Variants in PNPLA8 observed in about 807,000 individuals in gnomAD.
PNPLA8 encodes patatin like domain 8, phospholipase A2, also known as calcium-independent phospholipase A2-gamma.
A neutral mutation model predicts 76.9 loss-of-function variants in PNPLA8; 39 were observed. The ratio of observed to expected loss-of-function variants is 0.51; its 90% CI spans 0.39 to 0.66. The LOEUF is 0.66. PNPLA8 is among the 30% of genes least tolerant of loss of function. PNPLA8 has a pLI of 0.00. For synonymous variants in PNPLA8, 301 were observed against 307.9 expected (o/e 0.98, Z 0.24); for missense variants, 887 against 918.0 (o/e 0.97, Z 0.44).
intron 10 of PNPLA8, among the ~76,000 whole-genome samples, chr7:108,478,316 C>T (rs761873537): frequency 1.3e-5 from 2 of 151,982 alleles, no homozygotes; most frequent in Non-Finnish European, 2.9e-5. Context: ...AAGAATTATC[C>T]GGTGGTTGGA....
rs1253190045 is a variant in PNPLA8, at chr7:108,479,446, T to C, written c.1879-67A>G. The C allele has an allele frequency of 5.7e-6, 6 of 1,050,440 alleles. No homozygotes were observed. The East Asian group carries it at 1.5e-4, about 27-fold the overall frequency. 65.1% of individuals were successfully genotyped at this position (1,050,440 alleles called of 1,614,324 possible). A position where few individuals can be genotyped will look rare whatever the true frequency, so the allele number is the denominator to read the frequency against. On this transcript the variant is annotated intron_variant, in intron 9 of 10. Transcript: ENST00000257694. ...TCACGGGGAAAGCTGAACTATGTAA[T>C]AAGCTAAATAAATTATTTAAAACCA... is the stretch of plus-strand genomic sequence containing the variant.
At chr7:108,519,145 A>G (rs1447811100) in intron 2 of PNPLA8, among the ~76,000 whole-genome samples, 1 of 151,990 alleles carries the variant, frequency 6.6e-6, no homozygotes, top group African/African-American at 2.4e-5. Flanking sequence ...GAAGGAAAGG[A>G]GAGAATTCTA....
At chr7:108,474,874 T>C (rs1356605261) in intron 10 of PNPLA8, among the ~76,000 whole-genome samples, 2 of 152,218 alleles carry the variant, frequency 1.3e-5, no homozygotes, top group Admixed American at 1.3e-4. Context: ...CCTCCAACTT[T>C]TTTTTCTTTT....
At chr7:108,472,707 A>T (rs1204679339) in intron 10 of PNPLA8, 32 bp from the exon 11 acceptor site, 1 of 1,490,602 alleles carries the variant, frequency 6.7e-7, no homozygotes, top group Non-Finnish European at 9.0e-7. Context: ...GGATAAGGGG[A>T]TAAGAAAAGA....
At chr7:108,496,907 T>C in intron 6 of PNPLA8, 152 bp from the exon 7 acceptor site, 1 of 616,484 alleles carries the variant, frequency 1.6e-6, no homozygotes, top group Non-Finnish European at 2.7e-6. Flanking sequence ...AGAGCCCCAT[T>C]TGTTTCAGGG....
rs972214148 is a variant in PNPLA8 at position 108,474,795 on chromosome 7, A to G, written c.2075-2120T>C. On this transcript the variant is annotated intron_variant, in intron 10 of 10. Coordinates refer to ENST00000257694, the MANE Select transcript of PNPLA8 (RefSeq NM_001256007.3). ...TTACATACCATTGATTTATATGTCTATCTTTATTCAAACACCACAGTTCCT... is the reference window on the plus strand; with the variant it reads ...TTACATACCATTGATTTATATGTCTGTCTTTATTCAAACACCACAGTTCCT... 3.3e-4 allele frequency among the ~76,000 whole-genome samples: 50 copies of G among 152,216 alleles called. 1 individual carries two copies. Among genetic ancestry groups the G allele is most frequent in the African/African-American group, 1.2e-3 (49 of 41,454 alleles).
chr7:108,470,824 A>G lies in PNPLA8; in HGVS notation c.*1577T>C, dbSNP rs1282812739. 1 of 152,162 alleles carries G rather than the reference A, an allele frequency of 6.6e-6. No individual in the cohort carries two copies. Among genetic ancestry groups the G allele is most frequent in the Admixed American group, 6.5e-5 (1 of 15,274 alleles). 9.4% of individuals were successfully genotyped at this position (152,162 alleles called of 1,614,324 possible). A position where few individuals can be genotyped will look rare whatever the true frequency, so the allele number is the denominator to read the frequency against. On this transcript the variant is annotated 3_prime_UTR_variant, in exon 11 of 11. Transcript: ENST00000257694. ...TACCTTTCCTCATTTTACAAATGAG[A>G]TATGCAAAGCCTACAGACATTTGCC... is the stretch of plus-strand genomic sequence containing the variant.
At position 108,479,301 on chromosome 7, in the gene PNPLA8, C is replaced by G; in HGVS notation, c.1957G>C (p.Glu653Gln). ...CKCLWPDVPL[E>Q]CIVSLGTGRY... Reference sequence around the variant, plus strand: ...CCAGTGCCCAGGGATACTATGCACTCTAACGGCACATCTGGCCAAAGACAT... The same window carrying G: ...CCAGTGCCCAGGGATACTATGCACTGTAACGGCACATCTGGCCAAAGACAT... The change falls in exon 10 of 11, where the codon GAG (glutamate) becomes CAG (glutamine). Residue 653 changes from glutamate (E) to glutamine (Q), a missense_variant. By Grantham distance (29) the Glu-to-Gln change is conservative (BLOSUM62 2). Transcript: ENST00000257694. 1 of 1,612,624 alleles carries G rather than the reference C, an allele frequency of 6.2e-7. No individual in the cohort carries two copies. The highest frequency in any genetic ancestry group is 8.5e-7 in the Non-Finnish European group (1 of 1,178,634).
In PNPLA8 at chr7:108,497,582, A is replaced by C; in HGVS notation, c.1359-5T>G. The C allele has an allele frequency of 6.5e-7, 1 of 1,540,736 alleles. No individual in the cohort carries two copies. The highest frequency in any genetic ancestry group is 2.3e-5 in the East Asian group (1 of 43,094). ...GTCTGGAGAGCAACCACGCCCCTAC[A>C]GAAAAGATTAAAGACAAAATGACAA... On this transcript the variant is annotated splice_region_variant and splice_polypyrimidine_tract_variant and intron_variant, in intron 5 of 10. Transcript: ENST00000257694.
intron 4 of PNPLA8, chr7:108,510,692 T>G: frequency 6.3e-7 from 1 of 1,599,566 alleles, no homozygotes; most frequent in Non-Finnish European, 8.5e-7. Context: ...TGAACTAATC[T>G]ACAAGAGTGG....
At chr7:108,496,856 C>A in intron 6 of PNPLA8, 101 bp from the exon 7 acceptor site, 1 of 881,100 alleles carries the variant, frequency 1.1e-6, no homozygotes, top group Non-Finnish European at 1.7e-6. Flanking sequence ...AGCGTTGATA[C>A]TTTCTAGCTA....
Position 108,514,518 on chromosome 7 carries a change from T to C in PNPLA8, c.974A>G (p.Glu325Gly). ...YDSKSQSEEQ[E>G]EPAKTDQAVS... Reference sequence around the variant, plus strand: ...AGCCTGATCAGTTTTAGCAGGCTCTTCCTGTTCTTCTGACTGACTCTTTGA... The same window carrying C: ...AGCCTGATCAGTTTTAGCAGGCTCTCCCTGTTCTTCTGACTGACTCTTTGA... Residue 325 changes from glutamate to glycine, a missense_variant, in exon 3 of 11, where the codon GAA becomes GGA. Coordinates refer to ENST00000257694, the MANE Select transcript of PNPLA8 (RefSeq NM_001256007.3). 2 of 1,613,822 alleles carry C rather than the reference T, an allele frequency of 1.2e-6. No homozygotes were observed. Among genetic ancestry groups the C allele is most frequent in the Non-Finnish European group, 1.7e-6 (2 of 1,179,692 alleles).
In PNPLA8 at chr7:108,471,740, T is replaced by A. The variant is rs1004218031; in HGVS notation, c.*661A>T. 1 of 152,206 alleles carries A rather than the reference T, an allele frequency of 6.6e-6. No individual in the cohort carries two copies. The highest frequency in any genetic ancestry group is 1.5e-5 in the Non-Finnish European group (1 of 68,036). 9.4% of individuals were successfully genotyped at this position (152,206 alleles called of 1,614,324 possible). On this transcript the variant is annotated 3_prime_UTR_variant, in exon 11 of 11. Coordinates refer to ENST00000257694, the MANE Select transcript of PNPLA8 (RefSeq NM_001256007.3). ...TAGATCTGGAAAAGTTAATATAGCA[T>A]TATCTTGAAATTTCAGGGGTAAAAA... is the stretch of plus-strand genomic sequence containing the variant.
In PNPLA8 at chr7:108,488,275, G is replaced by C. The variant is rs536045095; in HGVS notation, c.1684-322C>G. Among the ~76,000 whole-genome samples the C allele has an allele frequency of 4.4e-4, 67 of 152,280 alleles. 1 individual carries two copies. In the South Asian group the frequency reaches 0.013, roughly 30 times the overall value. On this transcript the variant is annotated intron_variant, in intron 8 of 10. Coordinates refer to ENST00000257694, the MANE Select transcript of PNPLA8 (RefSeq NM_001256007.3). ...TTACATAATAATTGACAAAACAGTA[G>C]TAATGAATAAAAACTGCTTAAAGGC...
intron 9 of PNPLA8, among the ~76,000 whole-genome samples, chr7:108,482,725 GT>G (rs1860485213): frequency 6.6e-6 from 1 of 152,014 alleles, no homozygotes. Flanking sequence ...GATTCCCTAT[GT>G]TTTGTCAGAT....
intron 5 of PNPLA8, among the ~76,000 whole-genome samples, chr7:108,502,169 G>A (rs1327865855): frequency 1.3e-5 from 2 of 151,374 alleles, no homozygotes; most frequent in Non-Finnish European, 2.9e-5. Flanking sequence ...CCAGCTGGGC[G>A]CAGTGGCTCG....
intron 7 of PNPLA8, among the ~76,000 whole-genome samples, chr7:108,496,096 A>G (rs997681896): frequency 3.9e-5 from 6 of 152,148 alleles, no homozygotes; most frequent in African/African-American, 1.4e-4. Flanking sequence ...TTAGCTGGGC[A>G]TGGTGGTGCA....
chr7:108,492,953 G>A (rs1330734717), intron 7 of PNPLA8, among the ~76,000 whole-genome samples: 1 of 152,138 alleles, frequency 6.6e-6, no homozygotes, highest in Non-Finnish European at 1.5e-5. Context: ...TGCTCTCTGG[G>A]AACTCTGAAA....
In PNPLA8 at chr7:108,472,685, C is replaced by A; in HGVS notation, c.2075-10G>T. ...AGCATTATATGGACTTCTGTTAAAGCAAAAAAGAAAAGGATAAGGGGATAA... is the reference window on the plus strand; with the variant it reads ...AGCATTATATGGACTTCTGTTAAAGAAAAAAAGAAAAGGATAAGGGGATAA... On this transcript the variant is annotated splice_polypyrimidine_tract_variant and intron_variant, in intron 10 of 10. Coordinates refer to ENST00000257694, the MANE Select transcript of PNPLA8 (RefSeq NM_001256007.3). 8 of 1,547,640 alleles carry A rather than the reference C, an allele frequency of 5.2e-6. No homozygotes were observed. The highest frequency in any genetic ancestry group is 2.5e-5 in the South Asian group (2 of 80,516).
Sources: gnomAD v4.1 joint callset for allele counts (sites outside exome capture counted in the v4.1 genomes callset) on GRCh38, gnomAD v4.1.1 for gene constraint, MANE v1.5 for transcripts, NCBI Gene and HGNC (gene_info 2026-07-23, HGNC 2026-07-21) for gene names.